The following TTC7B variants were observed in gnomAD, a reference collection of about 807,000 sequenced individuals.
TTC7B encodes the protein tetratricopeptide repeat protein 7B.
Under a neutral mutation model 106.8 loss-of-function variants are expected in TTC7B, and 28 were observed. The ratio of observed to expected loss-of-function variants is 0.26; its 90% CI spans 0.19 to 0.36. The LOEUF (loss-of-function observed/expected upper bound fraction) is 0.36. Among genes scored for constraint, TTC7B ranks in the 10% least tolerant of loss-of-function variants. The pLI, the probability that TTC7B is intolerant of heterozygous loss-of-function variation, is 1.00. For synonymous variants in TTC7B, 405 were observed against 430.6 expected (o/e 0.94, Z 0.74); for missense variants, 862 against 1,076.4 (o/e 0.80, Z 2.79).
At chr14:90,744,956 A>T in intron 3 of TTC7B, 34 bp from the exon 4 acceptor site, 1 of 1,609,122 alleles carries the variant, frequency 6.2e-7, no homozygotes, top group Non-Finnish European at 8.5e-7. Flanking sequence ...AACTGAGTGA[A>T]TTTTTTTTCA....
At chr14:90,705,870 GAA>G (rs1158386373) in intron 5 of TTC7B, among the ~76,000 whole-genome samples, 1 of 152,138 alleles carries the variant, frequency 6.6e-6, no homozygotes, top group Non-Finnish European at 1.5e-5. Context: ...ATCTGCTAGA[GAA>G]AACCTGAACT....
intron 3 of TTC7B, chr14:90,766,932 G>A: frequency 1.3e-6 from 2 of 1,524,580 alleles, no homozygotes; most frequent in Non-Finnish European, 9.0e-7. Context: ...TCCAAAGTCA[G>A]CACACCAAGA....
chr14:90,802,655 A>G lies in TTC7B; in HGVS notation c.121+13520T>C, dbSNP rs1286323. Among the ~76,000 whole-genome samples the G allele has an allele frequency of 0.066, 10,106 of 152,168 alleles. 427 individuals carry two copies. The highest frequency in any genetic ancestry group is 0.23 in the East Asian group (1,205 of 5,164). ...AGACACTTTGGAGCATGGGAATCCG[A>G]CCTACTGAAGAGCGGCGGTGCTCCT... On this transcript the variant is annotated intron_variant, in intron 1 of 19. Coordinates refer to ENST00000328459, the MANE Select transcript of TTC7B (RefSeq NM_001010854.2). This position sits in a 1 kb window ranked among gnomAD's most constrained non-coding sequence, Gnocchi z 4.7.
chr14:90,654,266 T>A (rs965482384), intron 12 of TTC7B, among the ~76,000 whole-genome samples: 1 of 152,234 alleles, frequency 6.6e-6, no homozygotes. Flanking sequence ...TTTTGCCTTA[T>A]ACTAATTAAA....
At chr14:90,717,194 C>T (rs1043604803) in intron 5 of TTC7B, among the ~76,000 whole-genome samples, 7 of 151,962 alleles carry the variant, frequency 4.6e-5, no homozygotes, top group Non-Finnish European at 8.8e-5. Context: ...AAAAAATTAG[C>T]CGGGCATGGT....
At chr14:90,597,854 G>A (rs895191460) in intron 17 of TTC7B, among the ~76,000 whole-genome samples, 15 of 152,152 alleles carry the variant, frequency 9.9e-5, no homozygotes, top group African/African-American at 2.9e-4. Context: ...TTCCTGCATC[G>A]TACATCAGAA....
Position 90,678,342 on chromosome 14 carries a change from C to T in TTC7B, c.1015-1682G>A, listed in dbSNP as rs79374859. 8.8e-3 allele frequency among the ~76,000 whole-genome samples: 1,341 copies of T among 152,238 alleles called. 6 individuals are homozygous for T. The highest frequency in any genetic ancestry group is 0.01 in the Non-Finnish European group (711 of 68,024). ...TGATACCTTGTAGGTGGAGAAGCGACGGACAAATTCATGCTTCTGAATTAA... is the reference window on the plus strand; with the variant it reads ...TGATACCTTGTAGGTGGAGAAGCGATGGACAAATTCATGCTTCTGAATTAA... On this transcript the variant is annotated intron_variant, in intron 8 of 19. Transcript: ENST00000328459.
chr14:90,540,322 G>C lies in TTC7B; in HGVS notation c.*1046C>G, dbSNP rs1889530693. ...GTGCGCCTGTGATCCCAGCTACTCA[G>C]GAGGCTGAGGTGGGAGGATCACCTG... On this transcript the variant is annotated 3_prime_UTR_variant, in exon 20 of 20. Transcript: ENST00000328459. 6.6e-6 allele frequency: 1 copy of C among 152,322 alleles called. No homozygotes were observed. Among genetic ancestry groups the C allele is most frequent in the Non-Finnish European group, 1.5e-5 (1 of 68,108 alleles). The allele number at this position is 152,322 out of a possible 1,614,324, so 9.4% of individuals were successfully genotyped here.
rs549099964 is a variant in TTC7B at position 90,526,909 on chromosome 14, C to G, written c.*14459G>C. ...TATGTCTTTATTAGCTGCATGAGGA[C>G]GTACTAATACGGTGCCTTTCATCCA... On this transcript the variant is annotated 3_prime_UTR_variant, in exon 20 of 20. Coordinates refer to ENST00000328459, the MANE Select transcript of TTC7B (RefSeq NM_001010854.2). The G allele has an allele frequency of 6.6e-6, 1 of 152,122 alleles. No homozygotes were observed. The highest frequency in any genetic ancestry group is 1.5e-5 in the Non-Finnish European group (1 of 68,032). The allele number at this position is 152,122 out of a possible 1,614,324, so 9.4% of individuals were successfully genotyped here. A position where few individuals can be genotyped will look rare whatever the true frequency, so the allele number is the denominator to read the frequency against.
Position 90,537,575 on chromosome 14 carries a change from T to C in TTC7B, c.*3793A>G, listed in dbSNP as rs150365106. 2,386 of 152,410 alleles carry C rather than the reference T, an allele frequency of 0.016. 25 individuals are homozygous for C. Among genetic ancestry groups the C allele is most frequent in the Non-Finnish European group, 0.023 (1,588 of 68,118 alleles). The allele number at this position is 152,410 out of a possible 1,614,324, so 9.4% of individuals were successfully genotyped here. On this transcript the variant is annotated 3_prime_UTR_variant, in exon 20 of 20. Coordinates refer to ENST00000328459, the MANE Select transcript of TTC7B (RefSeq NM_001010854.2). The stretch of plus-strand genomic sequence containing the variant: ...GAGGCCGCACCTGTGTGGCCCCTGT[T>C]AAACTTCTGACCTCTTCTCATCCTT...
chr14:90,747,409 C>A (rs1291110887), intron 3 of TTC7B, among the ~76,000 whole-genome samples: 2 of 152,176 alleles, frequency 1.3e-5, no homozygotes, highest in African/African-American at 4.8e-5. Flanking sequence ...TAAACTGTAA[C>A]CATGAGTATA....
rs781155239 is a variant in TTC7B, at chr14:90,806,173, GAGTCT to G, written c.121+9997_121+10001del. ...AAAAGCCTCGCCCTCCCGGGGCTGA[GAGTCT>G]AGTGGTCACATTCCTGTCTGCATCC... is the stretch of plus-strand genomic sequence containing the variant. On this transcript the variant is annotated intron_variant, in intron 1 of 19. Transcript: ENST00000328459. 2.0e-5 allele frequency among the ~76,000 whole-genome samples: 3 copies of G among 152,342 alleles called. No homozygotes were observed. In the East Asian group the frequency reaches 5.8e-4, roughly 29 times the overall value.
At position 90,808,215 on chromosome 14, in the gene TTC7B, G is replaced by T. The variant is rs2030712436; in HGVS notation, c.121+7960C>A. On this transcript the variant is annotated intron_variant, in intron 1 of 19. Coordinates refer to ENST00000328459, the MANE Select transcript of TTC7B (RefSeq NM_001010854.2). The surrounding 1 kb of genome is among the most constrained non-coding windows in gnomAD (Gnocchi z 4.2). ...AATCCCAGCACTTTGGGAGGCCGAG[G>T]GAAGAAGATCACTTGAGCCCAGGAG... Among the ~76,000 whole-genome samples, 2 of 152,178 alleles carry T rather than the reference G, an allele frequency of 1.3e-5. No homozygotes were observed. The highest frequency in any genetic ancestry group is 2.9e-5 in the Non-Finnish European group (2 of 68,046).
intron 5 of TTC7B, among the ~76,000 whole-genome samples, chr14:90,712,963 C>T (rs545298952): frequency 6.6e-6 from 1 of 152,202 alleles, no homozygotes; most frequent in Admixed American, 6.5e-5. Flanking sequence ...AGAAACAAAC[C>T]TTTATGTTTA....
intron 3 of TTC7B, among the ~76,000 whole-genome samples, chr14:90,773,381 T>C (rs797003350): frequency 1.3e-5 from 2 of 152,246 alleles, no homozygotes; most frequent in African/African-American, 4.8e-5. Context: ...CAATGAGTGA[T>C]TATGCTCCCA....
chr14:90,749,545 G>A (rs1201084981), intron 3 of TTC7B, among the ~76,000 whole-genome samples: 2 of 151,194 alleles, frequency 1.3e-5, no homozygotes, highest in Non-Finnish European at 2.9e-5. Context: ...AGCTGGGATT[G>A]CAGGCATGCA....
rs183450533 is a variant in TTC7B, at chr14:90,713,704, G to A, written c.698+16371C>T. On this transcript the variant is annotated intron_variant, in intron 5 of 19. Transcript: ENST00000328459. The stretch of plus-strand genomic sequence containing the variant: ...TCCTATGAATCTACCCAAGGGAAGT[G>A]AAAACACATGTTTACAAAAAGATCA... 9.2e-5 allele frequency among the ~76,000 whole-genome samples: 14 copies of A among 152,260 alleles called. No individual in the cohort carries two copies. In the East Asian group the frequency reaches 2.7e-3, roughly 29 times the overall value.
rs1887010607 is a variant in TTC7B at position 90,680,505 on chromosome 14, T to C, written c.981A>G (p.Glu327=). The C allele has an allele frequency of 6.2e-7, 1 of 1,614,040 alleles. No homozygotes were observed. The highest frequency in any genetic ancestry group is 1.3e-5 in the African/African-American group (1 of 75,042). The change falls in exon 8 of 20, where the codon GAA becomes GAG. Residue 327 remains glutamate, a synonymous_variant. Transcript: ENST00000328459. ...NIFCPQENTE[E]ALLLLLISES... ...CACTAATCAGCAATAACAACAGGGC[T>C]TCTTCCGTATTTTCTTGAGGACAAA...
In TTC7B at chr14:90,688,400, G is replaced by C. The variant is rs138136977; in HGVS notation, c.950+1140C>G. The stretch of plus-strand genomic sequence containing the variant: ...AGCACTTTGGGAGGACAAGGCGGGT[G>C]GATCATGAGGTCAGGAGATCGAGAC... On this transcript the variant is annotated intron_variant, in intron 7 of 19. Transcript: ENST00000328459. Among the ~76,000 whole-genome samples, 1,338 of 152,110 alleles carry C rather than the reference G, an allele frequency of 8.8e-3. 21 individuals are homozygous for C. Among genetic ancestry groups the C allele is most frequent in the African/African-American group, 0.031 (1,283 of 41,490 alleles).
Sources: gnomAD v4.1 joint callset for allele counts (sites outside exome capture counted in the v4.1 genomes callset) on GRCh38, gnomAD v4.1.1 for gene constraint, Gnocchi (gnomAD v3.1) non-coding constraint, MANE v1.5 for transcripts, NCBI Gene and HGNC (gene_info 2026-07-23, HGNC 2026-07-21) for gene names.